UBR2: variants seen among roughly 807,000 people sequenced by gnomAD.
UBR2 encodes ubiquitin protein ligase E3 component n-recognin 2.
UBR2 carries 92 observed loss-of-function variants against 247.9 expected under a neutral mutation model. That is an observed-to-expected ratio of 0.37 (90% CI 0.31 to 0.44). The LOEUF is 0.44. Among genes scored for constraint, UBR2 ranks in the 20% least tolerant of loss-of-function variants. UBR2 has a pLI of 1.00. For missense variants in UBR2, 1,613 were observed against 2,112.6 expected, an observed-to-expected ratio of 0.76 and a Z score of 4.64; for synonymous variants, 672 against 693.5, an observed-to-expected ratio of 0.97 and a Z score of 0.49.
chr6:42,576,942 T>C (rs1015871054), intron 2 of UBR2, among the ~76,000 whole-genome samples: 4 of 152,138 alleles, frequency 2.6e-5, no homozygotes, highest in Non-Finnish European at 5.9e-5. Context: ...ATGCCAGGGA[T>C]TTAAAGGTTA....
chr6:42,649,347 T>G (rs115315683), intron 22 of UBR2, among the ~76,000 whole-genome samples: 1 of 152,206 alleles, frequency 6.6e-6, no homozygotes, highest in African/African-American at 2.4e-5. Flanking sequence ...GTAATGTATC[T>G]AACCTCTTCC....
At chr6:42,595,980 G>A (rs931869744) in intron 4 of UBR2, among the ~76,000 whole-genome samples, 4 of 151,234 alleles carry the variant, frequency 2.6e-5, no homozygotes, top group Admixed American at 2.0e-4. Context: ...TTGGGGTTCT[G>A]TATGTAGAAA....
chr6:42,691,115 T>C lies in UBR2; in HGVS notation c.5210T>C (p.Ile1737Thr). 1.2e-6 allele frequency: 2 copies of C among 1,614,148 alleles called. No individual in the cohort carries two copies. Among genetic ancestry groups the C allele is most frequent in the Non-Finnish European group, 1.7e-6 (2 of 1,180,016 alleles). Residue 1737 changes from isoleucine to threonine, a missense_variant, in exon 47 of 47, where the codon ATT (isoleucine) becomes ACT (threonine). Ile to Thr is a moderately conservative substitution (Grantham distance 89). This residue lies in a region of UBR2 where 80 missense variants were observed against 108.6 expected (regional missense o/e 0.74). Coordinates refer to ENST00000372901, the MANE Select transcript of UBR2 (RefSeq NM_001363705.2). ...LWHQHSVTEE[I>T]GHAQEANQTL... ...CACCAACACAGTGTCACAGAGGAAA[T>C]TGGACATGCACAGGAAGCCAATCAG...
intron 15 of UBR2, among the ~76,000 whole-genome samples, chr6:42,637,479 G>A (rs76330396): frequency 9.5e-5 from 14 of 147,848 alleles, no homozygotes; most frequent in Non-Finnish European, 1.6e-4. Flanking sequence ...GTTTATAGCC[G>A]TTATACCATA....
chr6:42,614,445 T>TAC lies in UBR2; in HGVS notation c.986-625_986-624insCA, dbSNP rs1295887125. Among the ~76,000 whole-genome samples the TAC allele has an allele frequency of 3.3e-3, 495 of 150,186 alleles. 15 individuals are homozygous for TAC. The highest frequency in any genetic ancestry group is 0.017 in the Middle Eastern group (5 of 288). ...GTACATATATATGTATGTACGTACA[T>TAC]ATATATGTATGGAACAAATAAGTGT... On this transcript the variant is annotated intron_variant, in intron 8 of 46. Coordinates refer to ENST00000372901, the MANE Select transcript of UBR2 (RefSeq NM_001363705.2).
intron 4 of UBR2, among the ~76,000 whole-genome samples, chr6:42,602,669 A>G (rs1793459503): frequency 6.7e-6 from 1 of 148,376 alleles, no homozygotes; most frequent in Non-Finnish European, 1.5e-5. Context: ...ATTTTATAAA[A>G]TATATACTTT....
chr6:42,619,453 A>AATTTTTTTTTTTTT (rs1554251971), intron 11 of UBR2: 1 of 23,716 alleles, frequency 4.2e-5, no homozygotes, highest in African/African-American at 1.2e-4. Flanking sequence ...ATATATATAT[A>AATTTTTTTTTTTTT]TTTTTTTTTT....
At chr6:42,672,978 C>T (rs1026565087) in intron 36 of UBR2, among the ~76,000 whole-genome samples, 15 of 152,276 alleles carry the variant, frequency 9.9e-5, no homozygotes, top group African/African-American at 3.6e-4. Context: ...AGAAAAAAGT[C>T]ATCAACTTAT....
rs1298599600 is a variant in UBR2, at chr6:42,640,434, GTA to G, written c.1920+167_1920+168del. Among the ~76,000 whole-genome samples the G allele has an allele frequency of 6.1e-5, 7 of 115,270 alleles. No homozygotes were observed. The South Asian group carries it at 1.6e-3, about 27-fold the overall frequency. 75.6% of individuals were successfully genotyped at this position (115,270 alleles called of 152,430 possible). ...TGTGTGTGTGTGTGTGTGTGTGTGT[GTA>G]TAGATACATATATAGAGAGAGAGAG... On this transcript the variant is annotated intron_variant, in intron 16 of 46. Coordinates refer to ENST00000372901, the MANE Select transcript of UBR2 (RefSeq NM_001363705.2).
chr6:42,592,323 A>C, intron 3 of UBR2, 94 bp downstream of exon 3: 1 of 1,012,792 alleles, frequency 9.9e-7, no homozygotes, highest in Non-Finnish European at 1.4e-6. Flanking sequence ...TAACACTAAA[A>C]TGGGGGGAGG....
At chr6:42,578,191 G>A (rs1791645739) in intron 2 of UBR2, among the ~76,000 whole-genome samples, 1 of 152,198 alleles carries the variant, frequency 6.6e-6, no homozygotes, top group African/African-American at 2.4e-5. Context: ...GACCAATTCA[G>A]ATGAGTGGGG....
chr6:42,670,138 A>C lies in UBR2; in HGVS notation c.3928A>C (p.Thr1310Pro), dbSNP rs766059507. The stretch of plus-strand genomic sequence containing the variant: ...AAAAGAAATGCTAACGACATTTGGA[A>C]CTGCTACCTACAAGGTGGGACTAAA... ...SIKEMLTTFG[T>P]ATYKVGLKVH... The change falls in exon 35 of 47, where the codon ACT (threonine) becomes CCT (proline). Residue 1310 changes from threonine (T) to proline (P), a missense_variant. Physicochemically the swap from Thr to Pro is conservative, Grantham distance 38. Around this residue, in one of 3 missense-constraint regions of UBR2, gnomAD observed 1,524 missense variants for 1,967.3 expected, o/e 0.77. Transcript: ENST00000372901. 1 of 1,614,180 alleles carries C rather than the reference A, an allele frequency of 6.2e-7. No individual in the cohort carries two copies. The highest frequency in any genetic ancestry group is 8.5e-7 in the Non-Finnish European group (1 of 1,180,020).
Position 42,632,762 on chromosome 6 carries a change from CAATGTT to C in UBR2, c.1446-42_1446-37del, listed in dbSNP as rs757486993. 2.5e-6 allele frequency: 4 copies of C among 1,589,760 alleles called. No homozygotes were observed. The South Asian group carries it at 4.6e-5, about 18-fold the overall frequency. On this transcript the variant is annotated intron_variant, in intron 12 of 46. Coordinates refer to ENST00000372901, the MANE Select transcript of UBR2 (RefSeq NM_001363705.2). ...AAACCAGTTGCAATTTATAGAAAGTCAATGTTTATGTTAATTGCCACTGTCACTTTT... is the reference window on the plus strand; with the variant it reads ...AAACCAGTTGCAATTTATAGAAAGTCTATGTTAATTGCCACTGTCACTTTT...
chr6:42,622,325 C>T (rs1795040670), intron 11 of UBR2, among the ~76,000 whole-genome samples: 1 of 148,426 alleles, frequency 6.7e-6, no homozygotes, highest in East Asian at 2.0e-4. Context: ...GGCCCCCATT[C>T]TTCTTTTGTT....
At chr6:42,571,900 TTTTC>T (rs563622637) in intron 1 of UBR2, among the ~76,000 whole-genome samples, 1 of 150,884 alleles carries the variant, frequency 6.6e-6, no homozygotes, top group Admixed American at 6.6e-5. Flanking sequence ...TGAGGACTCT[TTTTC>T]TTTTTTTAAA....
chr6:42,579,079 C>A (rs555371981), intron 2 of UBR2, among the ~76,000 whole-genome samples: 2 of 152,116 alleles, frequency 1.3e-5, no homozygotes, highest in African/African-American at 4.8e-5. Context: ...TAAAGAAATA[C>A]CTGAGGCTGG....
At chr6:42,612,132 T>C in intron 7 of UBR2, 39 bp from the exon 8 acceptor site, 1 of 1,476,890 alleles carries the variant, frequency 6.8e-7, no homozygotes, top group Non-Finnish European at 9.2e-7. Context: ...TAGAATAGCT[T>C]TTTAAGTTAA....
chr6:42,614,224 A>G (rs1582535476), intron 8 of UBR2, among the ~76,000 whole-genome samples: 1 of 69,348 alleles, frequency 1.4e-5, no homozygotes, highest in African/African-American at 4.4e-5. Flanking sequence ...ATATACACAC[A>G]CACACACACA....
intron 2 of UBR2, among the ~76,000 whole-genome samples, chr6:42,578,958 A>AACAAACACACACACACACACACACACAC (rs1415279279): frequency 1.7e-5 from 2 of 116,384 alleles, no homozygotes; most frequent in African/African-American, 7.4e-5. Flanking sequence ...CCATCTCAAA[A>AACAAACACACACACACACACACACACAC]ACACACACAC....
Sources: allele counts gnomAD v4.1 joint callset (sites outside exome capture counted in the v4.1 genomes callset), GRCh38; gene constraint gnomAD v4.1.1; regional missense constraint gnomAD v4.1.1; transcripts MANE v1.5; gene names NCBI Gene and HGNC (gene_info 2026-07-23, HGNC 2026-07-21).